NIBAN1: variants seen among roughly 807,000 people sequenced by gnomAD.
NIBAN1 encodes the protein niban apoptosis regulator 1, also known as protein Niban 1.
In NIBAN1, 81 loss-of-function variants were observed where a neutral mutation model predicts 75.1. That is an observed-to-expected ratio of 1.08 (90% CI 0.90 to 1.30). The LOEUF is 1.30. NIBAN1 is among the 50% of genes most tolerant of loss of function. The pLI is 0.00. For synonymous variants in NIBAN1, 436 were observed against 424.8 expected (o/e 1.03, Z -0.32); for missense variants, 1,133 against 1,128.1 (o/e 1.00, Z -0.06).
rs58483276 is a variant in NIBAN1, at chr1:184,827,560, G to GTTTTTTTTTTTTTTTTTTT, written c.718-3819_718-3818insAAAAAAAAAAAAAAAAAAA. On this transcript the variant is annotated intron_variant, in intron 6 of 13. Transcript: ENST00000367511. ...ACATAAGTGACCTAAAAATACTTCA[G>GTTTTTTTTTTTTTTTTTTT]TTTTTTTTTTTTTTAATGGGGGGTG... Among the ~76,000 whole-genome samples, 2 of 117,682 alleles carry GTTTTTTTTTTTTTTTTTTT rather than the reference G, an allele frequency of 1.7e-5. 1 individual carries two copies. The allele number at this position is 117,682 out of a possible 152,430, so 77.2% of individuals were successfully genotyped here. A position where few individuals can be genotyped will look rare whatever the true frequency, so the allele number is the denominator to read the frequency against.
At chr1:184,825,464 A>G (rs1030930960) in intron 6 of NIBAN1, among the ~76,000 whole-genome samples, 7 of 152,244 alleles carry the variant, frequency 4.6e-5, no homozygotes, top group Non-Finnish European at 7.3e-5. Context: ...ATATTTTGGA[A>G]CAAACAAATA....
intron 9 of NIBAN1, among the ~76,000 whole-genome samples, chr1:184,810,082 G>T (rs1654331544): frequency 6.6e-6 from 1 of 152,202 alleles, no homozygotes; most frequent in South Asian, 2.1e-4. Flanking sequence ...AAAACAGGCT[G>T]CAATAAGAAA....
At chr1:184,899,693 G>A (rs1026978609) in intron 1 of NIBAN1, among the ~76,000 whole-genome samples, 9 of 150,866 alleles carry the variant, frequency 6.0e-5, no homozygotes, top group Non-Finnish European at 7.4e-5. Context: ...CTTCTACCTC[G>A]CCCTCTCTCC....
intron 6 of NIBAN1, among the ~76,000 whole-genome samples, chr1:184,829,406 T>C (rs986332581): frequency 1.1e-4 from 16 of 151,482 alleles, no homozygotes; most frequent in African/African-American, 3.9e-4. Flanking sequence ...ATAATCAGCC[T>C]GAAGCCAAAA....
rs186158843 is a variant in NIBAN1, at chr1:184,803,553, A to G, written c.1554+32T>C. ...TTGTTTGAACTTCAGAGGTAAGAAG[A>G]GCAAGCTCTTTAGGGTAACTCATCC... On this transcript the variant is annotated intron_variant, in intron 12 of 13. Coordinates refer to ENST00000367511, the MANE Select transcript of NIBAN1 (RefSeq NM_052966.4). 143 of 1,559,192 alleles carry G rather than the reference A, an allele frequency of 9.2e-5. No homozygotes were observed. The African/African-American group carries it at 1.8e-3, about 20-fold the overall frequency.
intron 3 of NIBAN1, 134 bp downstream of exon 3, chr1:184,893,941 C>T: frequency 1.2e-6 from 1 of 835,998 alleles, no homozygotes; most frequent in Non-Finnish European, 1.8e-6. Flanking sequence ...TTGAATGAAT[C>T]AGTCTCTATT....
chr1:184,852,513 C>T (rs569152479), intron 5 of NIBAN1, among the ~76,000 whole-genome samples: 3 of 152,310 alleles, frequency 2.0e-5, no homozygotes, highest in African/African-American at 4.8e-5. Flanking sequence ...AAACTGGCCA[C>T]TATTTCCACT....
chr1:184,797,828 C>A (rs1653918766), intron 13 of NIBAN1, among the ~76,000 whole-genome samples: 1 of 152,234 alleles, frequency 6.6e-6, no homozygotes, highest in East Asian at 1.9e-4. Flanking sequence ...TCCCATCTCA[C>A]AGCATTCATA....
At chr1:184,832,578 G>A (rs1388017874) in intron 5 of NIBAN1, among the ~76,000 whole-genome samples, 1 of 152,218 alleles carries the variant, frequency 6.6e-6, no homozygotes, top group Admixed American at 6.5e-5. Flanking sequence ...GGCACAGAAA[G>A]ATGAATTAAT....
At chr1:184,836,113 T>TCAAAAAACAAAACAAAAAACAAAAAACAA (rs1401546427) in intron 5 of NIBAN1, among the ~76,000 whole-genome samples, 1 of 152,214 alleles carries the variant, frequency 6.6e-6, no homozygotes, top group Admixed American at 6.5e-5. Flanking sequence ...AAACAAAAAT[T>TCAAAAAACAAAACAAAAAACAAAAAACAA]AAAGTCTTGC....
At chr1:184,861,007 T>C (rs1450085905) in intron 5 of NIBAN1, among the ~76,000 whole-genome samples, 1 of 152,246 alleles carries the variant, frequency 6.6e-6, no homozygotes, top group Non-Finnish European at 1.5e-5. Flanking sequence ...ATATTGTAGC[T>C]CTTATTTTCA....
chr1:184,806,992 A>G (rs1354472064), intron 10 of NIBAN1, among the ~76,000 whole-genome samples: 1 of 151,760 alleles, frequency 6.6e-6, no homozygotes, highest in Non-Finnish European at 1.5e-5. Flanking sequence ...CTGGTCTTAA[A>G]CTCCTGACTT....
intron 5 of NIBAN1, among the ~76,000 whole-genome samples, chr1:184,833,761 C>T (rs1655059701): frequency 6.6e-6 from 1 of 151,050 alleles, no homozygotes; most frequent in African/African-American, 2.4e-5. Context: ...CAGTAACTGA[C>T]ATTTCCAATA....
At chr1:184,825,313 T>C (rs1553217452) in intron 6 of NIBAN1, among the ~76,000 whole-genome samples, 1 of 152,214 alleles carries the variant, frequency 6.6e-6, no homozygotes, top group Non-Finnish European at 1.5e-5. Flanking sequence ...TTTGGTTCAT[T>C]GAAGAAGAGA....
intron 1 of NIBAN1, among the ~76,000 whole-genome samples, chr1:184,958,364 TCACACACACACACACACACA>T (rs3035788): frequency 7.0e-6 from 1 of 142,600 alleles, no homozygotes; most frequent in Non-Finnish European, 1.5e-5. Flanking sequence ...GACAGAGGAG[TCACACACACACACACACACA>T]CACACACACA....
intron 5 of NIBAN1, among the ~76,000 whole-genome samples, chr1:184,866,536 C>T (rs1655961857): frequency 6.6e-6 from 1 of 152,104 alleles, no homozygotes; most frequent in African/African-American, 2.4e-5. Flanking sequence ...ACTGTCAGCT[C>T]CCTATAATAA....
intron 1 of NIBAN1, among the ~76,000 whole-genome samples, chr1:184,907,746 G>A (rs1657140381): frequency 6.6e-6 from 1 of 152,206 alleles, no homozygotes; most frequent in South Asian, 2.1e-4. Context: ...TTGAACTGAA[G>A]GGAGTGTATG....
intron 4 of NIBAN1, among the ~76,000 whole-genome samples, chr1:184,887,145 T>G (rs1656548002): frequency 6.6e-6 from 1 of 151,856 alleles, no homozygotes; most frequent in Non-Finnish European, 1.5e-5. Flanking sequence ...AATCAATCAA[T>G]CCGTATTGGT....
intron 1 of NIBAN1, among the ~76,000 whole-genome samples, chr1:184,946,205 G>C (rs984865685): frequency 6.6e-6 from 1 of 152,188 alleles, no homozygotes. Flanking sequence ...GAATAACAAA[G>C]TGAAAGGAGA....
Sources: allele counts gnomAD v4.1 joint callset (sites outside exome capture counted in the v4.1 genomes callset), GRCh38; gene constraint gnomAD v4.1.1; transcripts MANE v1.5; gene names NCBI Gene and HGNC (gene_info 2026-07-23, HGNC 2026-07-21).